CFAP299: variants seen among roughly 807,000 people sequenced by gnomAD.
The protein encoded by CFAP299 is cilia- and flagella-associated protein 299.
CFAP299 carries 21 observed loss-of-function variants against 27.0 expected under a neutral mutation model. The observed-to-expected ratio is 0.78, with a 90% confidence interval of 0.55 to 1.12. The LOEUF (loss-of-function observed/expected upper bound fraction) is 1.12, where lower values mean the gene tolerates loss of function less well. Ranked by LOEUF, CFAP299 falls within the 50% of genes most tolerant of loss-of-function variation. The pLI is 0.00. For synonymous variants in CFAP299, 104 were observed against 98.1 expected, an observed-to-expected ratio of 1.06 and a Z score of -0.36; for missense variants, 310 against 276.6, an observed-to-expected ratio of 1.12 and a Z score of -0.86.
intron 3 of CFAP299, among the ~76,000 whole-genome samples, chr4:80,687,423 A>T (rs529913743): frequency 1.5e-3 from 222 of 152,314 alleles, no homozygotes; most frequent in African/African-American, 5.1e-3. Flanking sequence ...TATGGAAGAT[A>T]AAATTACTAG....
At chr4:80,960,126 C>A (rs188867212) in intron 5 of CFAP299, among the ~76,000 whole-genome samples, 5 of 150,550 alleles carry the variant, frequency 3.3e-5, no homozygotes, top group Non-Finnish European at 7.4e-5. Flanking sequence ...AAAAAAAAAG[C>A]CTTTCATTTA....
At chr4:80,916,908 A>G (rs901183898) in intron 4 of CFAP299, among the ~76,000 whole-genome samples, 2 of 152,112 alleles carry the variant, frequency 1.3e-5, no homozygotes, top group East Asian at 3.9e-4. Context: ...GAAAATCTAG[A>G]AATAGGGAGT....
intron 4 of CFAP299, among the ~76,000 whole-genome samples, chr4:80,893,645 A>G (rs1350281029): frequency 6.6e-6 from 1 of 151,166 alleles, no homozygotes; most frequent in African/African-American, 2.4e-5. Context: ...TGATACTAGA[A>G]AAACTAAATG....
At chr4:80,743,898 A>G (rs1014502760) in intron 3 of CFAP299, among the ~76,000 whole-genome samples, 51 of 152,320 alleles carry the variant, frequency 3.3e-4, no homozygotes, top group African/African-American at 1.2e-3. Context: ...GATCTTTTTC[A>G]TCATTTATAG....
chr4:80,641,260 A>C (rs899405357), intron 3 of CFAP299, among the ~76,000 whole-genome samples: 6 of 152,148 alleles, frequency 3.9e-5, no homozygotes, highest in Admixed American at 2.6e-4. Context: ...GCTGGAGTAC[A>C]GTGGCATGAT....
chr4:80,473,757 G>GT (rs780564957), intron 2 of CFAP299, among the ~76,000 whole-genome samples: 7 of 151,812 alleles, frequency 4.6e-5, no homozygotes, highest in Non-Finnish European at 8.8e-5. Context: ...TTGTTTGTTT[G>GT]TTTTTTAAAT....
chr4:80,541,912 A>G (rs1013137049), intron 2 of CFAP299, among the ~76,000 whole-genome samples: 1 of 152,122 alleles, frequency 6.6e-6, no homozygotes, highest in African/African-American at 2.4e-5. Context: ...ACCGTGCATG[A>G]ACAAAGGTAT....
intron 3 of CFAP299, among the ~76,000 whole-genome samples, chr4:80,740,178 G>T (rs2110063489): frequency 6.6e-6 from 1 of 152,220 alleles, no homozygotes; most frequent in Admixed American, 6.5e-5. Flanking sequence ...TAGTTCATTT[G>T]GTGAGGCCAT....
At chr4:80,342,074 T>C (rs1372876701) in intron 1 of CFAP299, among the ~76,000 whole-genome samples, 1 of 152,116 alleles carries the variant, frequency 6.6e-6, no homozygotes, top group Non-Finnish European at 1.5e-5. Flanking sequence ...TCTCAGAGAT[T>C]GAAGACCATC....
intron 2 of CFAP299, among the ~76,000 whole-genome samples, chr4:80,500,466 G>A (rs1456208578): frequency 6.6e-6 from 1 of 152,096 alleles, no homozygotes; most frequent in Non-Finnish European, 1.5e-5. Flanking sequence ...TTAAATCTGT[G>A]TAGGTTGTAC....
At chr4:80,324,002 A>G in the CFAP299 span, among the ~76,000 whole-genome samples, 1,594 of 152,178 alleles carry the variant, frequency 0.01, 22 homozygotes, top group African/African-American at 0.026. Flanking sequence ...AAGTTCTGGG[A>G]TACATGTGCA....
intron 3 of CFAP299, among the ~76,000 whole-genome samples, chr4:80,755,632 A>G (rs79495432): frequency 2.0e-5 from 3 of 152,132 alleles, no homozygotes; most frequent in Non-Finnish European, 2.9e-5. Flanking sequence ...TAAATCCTAG[A>G]TGAATCTTCG....
chr4:80,859,008 G>GGT (rs1170995173), intron 3 of CFAP299, among the ~76,000 whole-genome samples: 2 of 152,082 alleles, frequency 1.3e-5, no homozygotes, highest in Non-Finnish European at 2.9e-5. Context: ...TTGACAGTGG[G>GGT]GTGTCAAAGT....
At chr4:80,628,513 G>C (rs1739031359) in intron 3 of CFAP299, among the ~76,000 whole-genome samples, 1 of 152,090 alleles carries the variant, frequency 6.6e-6, no homozygotes, top group Admixed American at 6.6e-5. Context: ...CTTCTGTGCA[G>C]CAAAGAAAAC....
At chr4:80,373,494 T>C (rs1724254161) in intron 2 of CFAP299, among the ~76,000 whole-genome samples, 1 of 152,204 alleles carries the variant, frequency 6.6e-6, no homozygotes, top group African/African-American at 2.4e-5. Flanking sequence ...TATATGGCAG[T>C]GCATCGTGCT....
At chr4:80,387,541 G>A in intron 2 of CFAP299, 1 of 898,172 alleles carries the variant, frequency 1.1e-6, no homozygotes, top group South Asian at 1.4e-5. Flanking sequence ...GCCCAACCCT[G>A]TGTTTTCCTC....
Position 80,607,864 on chromosome 4 carries a change from A to G in CFAP299, c.333+24681A>G, listed in dbSNP as rs146893676. Among the ~76,000 whole-genome samples the G allele has an allele frequency of 5.1e-3, 773 of 152,282 alleles. 5 individuals carry two copies. Among genetic ancestry groups the G allele is most frequent in the Middle Eastern group, 0.02 (6 of 294 alleles). The stretch of plus-strand genomic sequence containing the variant: ...GCTTTCCATTTCTTAATGCTGTGGG[A>G]ATAGAAATGTAATTATGGTCATGAA... On this transcript the variant is annotated intron_variant, in intron 3 of 5. Transcript: ENST00000358105.
At chr4:80,529,136 G>A (rs980474479) in intron 2 of CFAP299, among the ~76,000 whole-genome samples, 1 of 152,096 alleles carries the variant, frequency 6.6e-6, no homozygotes, top group African/African-American at 2.4e-5. Context: ...TATGATAGCA[G>A]CTTTCCTGTC....
At chr4:80,468,348 C>G (rs1365345332) in intron 2 of CFAP299, among the ~76,000 whole-genome samples, 1 of 151,638 alleles carries the variant, frequency 6.6e-6, no homozygotes, top group African/African-American at 2.4e-5. Context: ...CTCAGCCTCC[C>G]GAGTAGCTGG....
Sources: gnomAD v4.1 joint callset for allele counts (sites outside exome capture counted in the v4.1 genomes callset) on GRCh38, gnomAD v4.1.1 for gene constraint, MANE v1.5 for transcripts, NCBI Gene and HGNC (gene_info 2026-07-23, HGNC 2026-07-21) for gene names.